Variants in EXT2 observed in about 807,000 individuals in gnomAD.
The protein encoded by EXT2 is exostosin glycosyltransferase 2, also known as exostosin-2.
Under a neutral mutation model 81.6 loss-of-function variants are expected in EXT2, and 53 were observed. The ratio of observed to expected loss-of-function variants is 0.65; its 90% CI spans 0.52 to 0.82. EXT2 has a LOEUF of 0.82. EXT2 is among the 40% of genes least tolerant of loss of function. The pLI, the probability that EXT2 is intolerant of heterozygous loss-of-function variation, is 0.00. For missense variants in EXT2, 774 were observed against 910.2 expected, an observed-to-expected ratio of 0.85 and a Z score of 1.93; for synonymous variants, 320 against 340.0, an observed-to-expected ratio of 0.94 and a Z score of 0.65.
At chr11:44,098,285 T>G (rs966543729) in intron 1 of EXT2, among the ~76,000 whole-genome samples, 3 of 152,142 alleles carry the variant, frequency 2.0e-5, no homozygotes, top group Admixed American at 2.0e-4. Context: ...TTTGGGAGGA[T>G]TGGTTCTGTG....
intron 10 of EXT2, among the ~76,000 whole-genome samples, chr11:44,221,530 T>C (rs1374341855): frequency 1.3e-5 from 2 of 152,202 alleles, no homozygotes; most frequent in Non-Finnish European, 2.9e-5. Context: ...TGCTGTCTCA[T>C]TGGGATTGAT....
chr11:44,212,862 T>G (rs1955668060), intron 10 of EXT2, among the ~76,000 whole-genome samples: 1 of 152,206 alleles, frequency 6.6e-6, no homozygotes, highest in African/African-American at 2.4e-5. Context: ...TATGAAATTC[T>G]AGAGTAGAAA....
intron 8 of EXT2, among the ~76,000 whole-genome samples, chr11:44,194,145 T>A (rs1955428437): frequency 6.6e-6 from 1 of 152,244 alleles, no homozygotes; most frequent in Admixed American, 6.5e-5. Flanking sequence ...TAAAGACATT[T>A]AAGTGTGTTG....
intron 7 of EXT2, chr11:44,144,186 G>A (rs2135064584): frequency 3.5e-6 from 5 of 1,444,734 alleles, no homozygotes; most frequent in Non-Finnish European, 3.8e-6. Flanking sequence ...CCCAAGTTGT[G>A]CTCTTATTTA....
chr11:44,112,444 A>G (rs761488931), intron 3 of EXT2, among the ~76,000 whole-genome samples: 3 of 152,222 alleles, frequency 2.0e-5, no homozygotes, highest in African/African-American at 4.8e-5. Flanking sequence ...TTGGGGATAC[A>G]TAATGGGAAA....
intron 7 of EXT2, among the ~76,000 whole-genome samples, chr11:44,146,127 G>A (rs572791706): frequency 2.6e-5 from 4 of 152,226 alleles, no homozygotes; most frequent in Non-Finnish European, 2.9e-5. Flanking sequence ...TTCACGTGTC[G>A]TCCCTCTGTA....
At chr11:44,171,223 A>C (rs1305139801) in intron 7 of EXT2, among the ~76,000 whole-genome samples, 1 of 152,216 alleles carries the variant, frequency 6.6e-6, no homozygotes, top group Non-Finnish European at 1.5e-5. Context: ...CTATATCTTT[A>C]TCTGGATACT....
intron 7 of EXT2, among the ~76,000 whole-genome samples, chr11:44,165,143 G>A (rs1378490421): frequency 6.6e-6 from 1 of 152,182 alleles, no homozygotes; most frequent in Non-Finnish European, 1.5e-5. Context: ...CTCCCAAAGT[G>A]CTGGGATTAC....
intron 7 of EXT2, among the ~76,000 whole-genome samples, chr11:44,133,014 A>G (rs1197417450): frequency 6.6e-6 from 1 of 152,190 alleles, no homozygotes; most frequent in Non-Finnish European, 1.5e-5. Flanking sequence ...CTACTACTAG[A>G]TTCCAATAGC....
intron 10 of EXT2, among the ~76,000 whole-genome samples, chr11:44,211,335 A>G (rs1420507394): frequency 1.3e-5 from 2 of 152,258 alleles, no homozygotes; most frequent in East Asian, 1.9e-4. Context: ...TCTCATATTC[A>G]TTACAGCATT....
chr11:44,145,339 A>G (rs1183694942), intron 7 of EXT2, among the ~76,000 whole-genome samples: 5 of 152,222 alleles, frequency 3.3e-5, no homozygotes, highest in Non-Finnish European at 1.5e-5. Context: ...TTGCTTTTCT[A>G]CAATTCAAAT....
chr11:44,134,685 GA>G lies in EXT2; in HGVS notation c.1173+4550del, dbSNP rs757500396. Among the ~76,000 whole-genome samples the G allele has an allele frequency of 3.9e-5, 6 of 152,320 alleles. No individual in the cohort carries two copies. The South Asian group carries it at 8.3e-4, about 21-fold the overall frequency. ...GGATAGACACTAGACTGTATCGTTA[GA>G]AATGTTTGTATGGATAGGGAGGAAG... is the stretch of plus-strand genomic sequence containing the variant. On this transcript the variant is annotated intron_variant, in intron 7 of 13. Transcript: ENST00000533608.
chr11:44,108,308 A>G (rs559166319), intron 2 of EXT2, 60 bp downstream of exon 2: 3 of 1,555,774 alleles, frequency 1.9e-6, no homozygotes, highest in South Asian at 2.2e-5. Flanking sequence ...TCAGGGAACT[A>G]AAGGGAAGGG....
chr11:44,148,008 G>A (rs901212961), intron 7 of EXT2, among the ~76,000 whole-genome samples: 6 of 152,092 alleles, frequency 3.9e-5, no homozygotes, highest in Middle Eastern at 3.4e-3. Flanking sequence ...GTAGTGGGAC[G>A]GCCAGCAGTC....
intron 10 of EXT2, among the ~76,000 whole-genome samples, chr11:44,209,267 T>A (rs1955619740): frequency 1.3e-5 from 2 of 152,182 alleles, no homozygotes; most frequent in African/African-American, 2.4e-5. Flanking sequence ...TGTTGCCTTT[T>A]TTTTCCTTTT....
chr11:44,141,949 A>G (rs1954651819), intron 7 of EXT2, among the ~76,000 whole-genome samples: 1 of 152,248 alleles, frequency 6.6e-6, no homozygotes, highest in Non-Finnish European at 1.5e-5. Context: ...TTAGACAAAT[A>G]TCTAGGTTTA....
At chr11:44,114,398 G>A in intron 4 of EXT2, 97 bp downstream of exon 4, 4 of 1,077,534 alleles carry the variant, frequency 3.7e-6, no homozygotes, top group Non-Finnish European at 2.9e-6. Flanking sequence ...CAATACATCA[G>A]TTACAGGGTA....
At chr11:44,235,215 C>T (rs986643047) in intron 12 of EXT2, among the ~76,000 whole-genome samples, 1 of 148,250 alleles carries the variant, frequency 6.7e-6, no homozygotes, top group African/African-American at 2.5e-5. Flanking sequence ...CCTTCCCATC[C>T]CCAAATTTGC....
intron 10 of EXT2, among the ~76,000 whole-genome samples, chr11:44,225,623 C>T (rs1955830546): frequency 6.6e-6 from 1 of 152,180 alleles, no homozygotes; most frequent in Non-Finnish European, 1.5e-5. Flanking sequence ...CATAATCTGA[C>T]TTCTTTGTTT....
Sources: allele counts gnomAD v4.1 joint callset (sites outside exome capture counted in the v4.1 genomes callset), GRCh38; gene constraint gnomAD v4.1.1; transcripts MANE v1.5; gene names NCBI Gene and HGNC (gene_info 2026-07-23, HGNC 2026-07-21).